SNX18: variants seen among roughly 807,000 people sequenced by gnomAD.
SNX18 encodes the protein sorting nexin 18.
In SNX18, 35 loss-of-function variants were observed where a neutral mutation model predicts 48.7. The ratio of observed to expected loss-of-function variants is 0.72; its 90% CI spans 0.55 to 0.95. The LOEUF is 0.95. SNX18 is among the 40% of genes least tolerant of loss of function. The pLI is 0.00. For synonymous variants in SNX18, 492 were observed against 384.7 expected (o/e 1.28, Z -3.26); for missense variants, 824 against 871.0 (o/e 0.95, Z 0.68).
At chr5:54,534,486 A>G (rs1366544638) in intron 1 of SNX18, among the ~76,000 whole-genome samples, 1 of 152,134 alleles carries the variant, frequency 6.6e-6, no homozygotes, top group Non-Finnish European at 1.5e-5. Context: ...TAAGGAGGCC[A>G]GACAGCTTCT....
chr5:54,583,774 G>A, the SNX18 span, among the ~76,000 whole-genome samples: 2 of 152,226 alleles, frequency 1.3e-5, no homozygotes, highest in African/African-American at 4.8e-5. Context: ...TCATAATCCT[G>A]TCCCTTCTTT....
At chr5:54,599,384 A>G in the SNX18 span, among the ~76,000 whole-genome samples, 2 of 152,238 alleles carry the variant, frequency 1.3e-5, no homozygotes, top group Admixed American at 6.5e-5. Context: ...AAGAATCCAT[A>G]TCATGAAAAC....
At chr5:54,525,377 T>TAA (rs113164405) in intron 1 of SNX18, among the ~76,000 whole-genome samples, 7 of 144,006 alleles carry the variant, frequency 4.9e-5, no homozygotes, top group African/African-American at 1.5e-4. Context: ...CTTGTCTCTT[T>TAA]AAAAAAAAAA....
At chr5:54,596,545 A>C in the SNX18 span, among the ~76,000 whole-genome samples, 2 of 152,308 alleles carry the variant, frequency 1.3e-5, no homozygotes, top group East Asian at 3.9e-4. Context: ...TAAATGAAGA[A>C]GTGAAGTTCA....
chr5:54,576,324 G>A, the SNX18 span, among the ~76,000 whole-genome samples: 2 of 152,222 alleles, frequency 1.3e-5, no homozygotes, highest in Non-Finnish European at 2.9e-5. Flanking sequence ...TACAACCACA[G>A]TAATGAGAGT....
rs1438899018 is a variant in SNX18 at position 54,519,239 on chromosome 5, C to T, written c.1287C>T (p.Asp429=). 1.9e-6 allele frequency: 3 copies of T among 1,614,100 alleles called. No individual in the cohort carries two copies. The highest frequency in any genetic ancestry group is 2.7e-5 in the African/African-American group (2 of 75,060). Residue 429 remains aspartate (D), a synonymous_variant, in exon 1 of 2, where the codon GAC becomes GAT. Coordinates refer to ENST00000381410, the MANE Select transcript of SNX18 (RefSeq NM_001102575.2). ...TGCAGGAGGTGGAGAGCAAGATCGA[C>T]GGCTTCAAGTGCTTCACCAAGAAGA... The part of the protein sequence containing the change: ...LDLQEVESKI[D]GFKCFTKKMD...
intron 1 of SNX18, among the ~76,000 whole-genome samples, chr5:54,530,241 A>G (rs536032363): frequency 2.0e-5 from 3 of 152,218 alleles, no homozygotes; most frequent in Admixed American, 1.3e-4. Context: ...TTACATATTC[A>G]GAGACCCTGT....
the SNX18 span, among the ~76,000 whole-genome samples, chr5:54,614,410 A>G: frequency 6.6e-6 from 1 of 152,230 alleles, no homozygotes; most frequent in African/African-American, 2.4e-5. Flanking sequence ...AGATTTATGG[A>G]ACAAGATCAG....
At chr5:54,584,503 C>T in the SNX18 span, among the ~76,000 whole-genome samples, 8 of 152,218 alleles carry the variant, frequency 5.3e-5, no homozygotes, top group East Asian at 1.9e-4. Context: ...AAGGTAAAAA[C>T]GTTTCAATCA....
the SNX18 span, among the ~76,000 whole-genome samples, chr5:54,578,345 C>G: frequency 5.9e-5 from 9 of 152,336 alleles, no homozygotes; most frequent in African/African-American, 1.7e-4. Context: ...GAGATAGAAT[C>G]TGAATGTGCT....
intron 1 of SNX18, among the ~76,000 whole-genome samples, chr5:54,537,989 G>A (rs527533468): frequency 2.0e-5 from 3 of 152,176 alleles, no homozygotes; most frequent in Non-Finnish European, 4.4e-5. Flanking sequence ...CCTAGAAGTA[G>A]CAAGTCTATG....
chr5:54,542,514 AG>A (rs962556910), intron 1 of SNX18, among the ~76,000 whole-genome samples: 8 of 152,252 alleles, frequency 5.3e-5, no homozygotes, highest in African/African-American at 1.9e-4. Context: ...CCCCTTCACC[AG>A]GCACTTTCTG....
chr5:54,582,228 C>T, the SNX18 span, among the ~76,000 whole-genome samples: 1 of 152,040 alleles, frequency 6.6e-6, no homozygotes, highest in Non-Finnish European at 1.5e-5. Flanking sequence ...TAGTATAGGC[C>T]CCTGGCACCA....
chr5:54,526,620 A>G (rs1762135959), intron 1 of SNX18, among the ~76,000 whole-genome samples: 1 of 152,212 alleles, frequency 6.6e-6, no homozygotes, highest in Admixed American at 6.5e-5. Flanking sequence ...AAGATAAACT[A>G]GATTTTATTC....
At chr5:54,639,431 A>ATG in the SNX18 span, among the ~76,000 whole-genome samples, 1 of 152,236 alleles carries the variant, frequency 6.6e-6, no homozygotes, top group Non-Finnish European at 1.5e-5. Flanking sequence ...AAATGAACAG[A>ATG]TGGACAAATG....
chr5:54,542,808 A>G (rs1561122609), intron 1 of SNX18, among the ~76,000 whole-genome samples: 1 of 152,110 alleles, frequency 6.6e-6, no homozygotes, highest in African/African-American at 2.4e-5. Flanking sequence ...GGAAATAATG[A>G]TGTCACACCT....
the SNX18 span, among the ~76,000 whole-genome samples, chr5:54,568,399 ATGTTC>A: frequency 2.0e-5 from 3 of 152,184 alleles, no homozygotes; most frequent in African/African-American, 7.2e-5. Context: ...GGATGCATAG[ATGTTC>A]TGCTCCCTGC....
the SNX18 span, among the ~76,000 whole-genome samples, chr5:54,562,100 G>A: frequency 6.6e-6 from 1 of 152,010 alleles, no homozygotes; most frequent in African/African-American, 2.4e-5. Flanking sequence ...TTACTTAATG[G>A]GATTCCCTGC....
chr5:54,595,499 T>C, the SNX18 span, among the ~76,000 whole-genome samples: 59 of 152,322 alleles, frequency 3.9e-4, no homozygotes, highest in Non-Finnish European at 6.8e-4. Flanking sequence ...CCTCCCAAAG[T>C]GCTGGGATTA....
Sources: allele counts gnomAD v4.1 joint callset (sites outside exome capture counted in the v4.1 genomes callset), GRCh38; gene constraint gnomAD v4.1.1; transcripts MANE v1.5; gene names NCBI Gene and HGNC (gene_info 2026-07-23, HGNC 2026-07-21).